Variants in SNX6 observed in about 807,000 individuals in gnomAD.
SNX6 encodes the protein sorting nexin 6.
A neutral mutation model predicts 63.0 loss-of-function variants in SNX6; 34 were observed. That is an observed-to-expected ratio of 0.54 (90% CI 0.41 to 0.72). SNX6 has a LOEUF of 0.72. Among genes scored for constraint, SNX6 ranks in the 30% least tolerant of loss-of-function variants. The pLI is 0.00. For synonymous variants in SNX6, 170 were observed against 164.2 expected (o/e 1.04, Z -0.27); for missense variants, 398 against 471.4 (o/e 0.84, Z 1.44).
chr14:34,600,707 T>A (rs903732814), intron 6 of SNX6, among the ~76,000 whole-genome samples: 2 of 152,060 alleles, frequency 1.3e-5, no homozygotes, highest in Non-Finnish European at 2.9e-5. Context: ...CAGTAAAAAA[T>A]TTTTTGCCAG....
At chr14:34,563,541 AGAGT>A (rs983453020) in intron 13 of SNX6, among the ~76,000 whole-genome samples, 14 of 151,368 alleles carry the variant, frequency 9.2e-5, no homozygotes, top group Admixed American at 4.0e-4. Flanking sequence ...CCTGGGCGAA[AGAGT>A]GAGACTGCGT....
At chr14:34,568,747 C>A in intron 11 of SNX6, 1 of 881,574 alleles carries the variant, frequency 1.1e-6, no homozygotes, top group East Asian at 2.4e-5. Flanking sequence ...ATCTCTCTGT[C>A]CCTGACGTGT....
intron 11 of SNX6, among the ~76,000 whole-genome samples, chr14:34,574,348 A>G (rs553323803): frequency 1.4e-4 from 21 of 150,818 alleles, no homozygotes; most frequent in African/African-American, 4.6e-4. Context: ...AAAAAAAAAA[A>G]AGAGAAAAAA....
intron 11 of SNX6, 132 bp from the exon 12 acceptor site, chr14:34,568,145 T>A (rs1048111175): frequency 1.2e-4 from 25 of 202,980 alleles, no homozygotes; most frequent in African/African-American, 6.2e-4. Context: ...GTTACTCCAA[T>A]TTTTTTTTTT....
intron 4 of SNX6, among the ~76,000 whole-genome samples, chr14:34,607,734 C>A (rs1014644943): frequency 6.6e-6 from 1 of 152,038 alleles, no homozygotes; most frequent in Admixed American, 6.6e-5. Context: ...ATGGTGAAAC[C>A]CTGTCTCTAC....
chr14:34,572,655 C>T (rs1881496603), intron 11 of SNX6, among the ~76,000 whole-genome samples: 1 of 151,740 alleles, frequency 6.6e-6, no homozygotes, highest in African/African-American at 2.4e-5. Context: ...GTTTTCAGTG[C>T]TTTTCAGTTA....
rs551787863 is a variant in SNX6, at chr14:34,611,732, C to T, written c.55-1990G>A. The stretch of plus-strand genomic sequence containing the variant: ...GCCACTACACTCCAGCCTGACAAAA[C>T]AGTAAGACACTGTCTCAAAAAAAAA... On this transcript the variant is annotated intron_variant, in intron 2 of 13. Transcript: ENST00000362031. Among the ~76,000 whole-genome samples the T allele has an allele frequency of 3.3e-5, 4 of 120,664 alleles. No individual in the cohort carries two copies. In the East Asian group the frequency reaches 1.0e-3, roughly 30 times the overall value. 79.2% of individuals were successfully genotyped at this position (120,664 alleles called of 152,430 possible).
At chr14:34,617,037 G>A (rs147907621) in intron 2 of SNX6, among the ~76,000 whole-genome samples, 231 of 152,144 alleles carry the variant, frequency 1.5e-3, no homozygotes, top group African/African-American at 4.9e-3. Context: ...AGCCGAGATC[G>A]CACCACTGCA....
chr14:34,568,100 C>A, intron 11 of SNX6, 87 bp from the exon 12 acceptor site: 2 of 1,137,140 alleles, frequency 1.8e-6, no homozygotes, highest in South Asian at 2.9e-5. Flanking sequence ...CCACCACAAC[C>A]ATCAGAGCTA....
intron 9 of SNX6, among the ~76,000 whole-genome samples, chr14:34,583,422 G>A (rs990769386): frequency 8.1e-5 from 10 of 123,766 alleles, no homozygotes; most frequent in African/African-American, 2.6e-4. Context: ...GTAGAAATTG[G>A]TTATTCATTT....
intron 13 of SNX6, among the ~76,000 whole-genome samples, chr14:34,566,706 A>C (rs4598814): frequency 0.86 from 131,086 of 152,132 alleles, 56,650 homozygotes; most frequent in Non-Finnish European, 0.89. Flanking sequence ...TAAAATTACT[A>C]TAAGGTTTAG....
intron 2 of SNX6, among the ~76,000 whole-genome samples, chr14:34,611,643 A>G (rs1219006437): frequency 2.1e-5 from 3 of 145,828 alleles, no homozygotes; most frequent in Admixed American, 6.8e-5. Flanking sequence ...TTAGCTGGGC[A>G]TAGTGGCGCA....
intron 9 of SNX6, among the ~76,000 whole-genome samples, chr14:34,585,220 G>A (rs979510907): frequency 5.3e-5 from 8 of 151,792 alleles, no homozygotes; most frequent in Non-Finnish European, 8.8e-5. Context: ...CAAAAGTTTT[G>A]TATTAGAAGT....
chr14:34,603,445 G>A lies in SNX6; in HGVS notation c.419C>T (p.Thr140Ile), dbSNP rs1329686984. The change falls in exon 6 of 14, where the codon ACA becomes ATA. Residue 140 changes from threonine to isoleucine, a missense_variant. By Grantham distance (89) the Thr-to-Ile change is moderately conservative. Coordinates refer to ENST00000362031, the MANE Select transcript of SNX6 (RefSeq NM_152233.4). ...CAGGAACACTTCATGCATCGCAACT[G>A]TCTTCTTGAATATTGCCAAATATTC... ...EAEYLAIFKK[T>I]VAMHEVFLCR... 4 of 1,599,570 alleles carry A rather than the reference G, an allele frequency of 2.5e-6. No individual in the cohort carries two copies.
chr14:34,599,343 C>A (rs1420354913), intron 6 of SNX6, among the ~76,000 whole-genome samples: 1 of 152,104 alleles, frequency 6.6e-6, no homozygotes, highest in Non-Finnish European at 1.5e-5. Context: ...CGGTGGCTCA[C>A]GCCTGTAATC....
chr14:34,629,707 T>A (rs992516216), intron 2 of SNX6, 200 bp downstream of exon 2: 26 of 866,126 alleles, frequency 3.0e-5, no homozygotes, highest in Non-Finnish European at 3.6e-5. Flanking sequence ...CGGCCGCGGG[T>A]CCCCGGGAAT....
chr14:34,616,099 G>A (rs1883409401), intron 2 of SNX6, among the ~76,000 whole-genome samples: 1 of 152,094 alleles, frequency 6.6e-6, no homozygotes, highest in Non-Finnish European at 1.5e-5. Context: ...GGGATTACAG[G>A]CATGTGCCAC....
chr14:34,628,101 A>G (rs571002979), intron 2 of SNX6, among the ~76,000 whole-genome samples: 1 of 152,286 alleles, frequency 6.6e-6, no homozygotes, highest in East Asian at 1.9e-4. Flanking sequence ...CTATAATCGC[A>G]GGAGGATCAC....
At chr14:34,613,225 C>G (rs1454134672) in intron 2 of SNX6, among the ~76,000 whole-genome samples, 1 of 152,168 alleles carries the variant, frequency 6.6e-6, no homozygotes, top group African/African-American at 2.4e-5. Context: ...GGAGGGAGAG[C>G]TGGCCCTGCC....
Sources: allele counts gnomAD v4.1 joint callset (sites outside exome capture counted in the v4.1 genomes callset), GRCh38; gene constraint gnomAD v4.1.1; transcripts MANE v1.5; gene names NCBI Gene and HGNC (gene_info 2026-07-23, HGNC 2026-07-21).